Variants in PAG1 observed in about 807,000 individuals in gnomAD.
The protein encoded by PAG1 is phosphoprotein associated with glycosphingolipid-enriched microdomains 1.
PAG1 carries 23 observed loss-of-function variants against 31.7 expected under a neutral mutation model. The observed-to-expected ratio is 0.73, with a 90% CI of 0.52 to 1.03. PAG1 has a LOEUF of 1.03. Ranked by LOEUF, PAG1 falls within the 50% of genes least tolerant of loss-of-function variation. The probability of loss-of-function intolerance (pLI) is 0.00; values close to 1 mark genes in which losing one functional copy is unlikely to be tolerated. For missense variants in PAG1, 473 were observed against 540.7 expected (o/e 0.87, Z 1.24); for synonymous variants, 214 against 210.3 (o/e 1.02, Z -0.15).
At chr8:81,040,199 A>C (rs996936578) in intron 2 of PAG1, among the ~76,000 whole-genome samples, 1 of 152,118 alleles carries the variant, frequency 6.6e-6, no homozygotes, top group Non-Finnish European at 1.5e-5. Flanking sequence ...TCTATTGTTT[A>C]GTACTTATGT....
chr8:81,004,640 A>C (rs1033874699), intron 3 of PAG1, among the ~76,000 whole-genome samples: 3 of 152,234 alleles, frequency 2.0e-5, no homozygotes, highest in Non-Finnish European at 2.9e-5. Context: ...AAGCTTGTGC[A>C]ATCAGAACAA....
At chr8:81,063,261 G>T (rs1171986323) in intron 2 of PAG1, among the ~76,000 whole-genome samples, 1 of 152,168 alleles carries the variant, frequency 6.6e-6, no homozygotes, top group East Asian at 1.9e-4. Context: ...TTGGTACTAA[G>T]CAGTTGAGGG....
At chr8:81,038,741 C>A (rs896307298) in intron 2 of PAG1, among the ~76,000 whole-genome samples, 11 of 152,260 alleles carry the variant, frequency 7.2e-5, no homozygotes, top group Admixed American at 4.6e-4. Context: ...GCAGATACCA[C>A]AACAGAACTC....
intron 3 of PAG1, among the ~76,000 whole-genome samples, chr8:81,027,290 C>T (rs1808298644): frequency 1.3e-5 from 2 of 152,148 alleles, no homozygotes; most frequent in Admixed American, 1.3e-4. Flanking sequence ...GCATGAGCCA[C>T]CACAGCTGGC....
In PAG1 at chr8:80,976,645, C is replaced by T; in HGVS notation, c.1198G>A (p.Ala400Thr). ...TGGTGGCCATTGGTCCCCAGGGTGG[C>T]CTTTTCTTCCTCTCTGTTGAGAGTC... is the stretch of plus-strand genomic sequence containing the variant. ...IQTLNREEEK[A>T]TLGTNGHHGL... The change falls in exon 9 of 9, where the codon GCC becomes ACC. Residue 400 changes from alanine to threonine, a missense_variant. By Grantham distance (58) the Ala-to-Thr change is moderately conservative. Transcript: ENST00000220597. 6.2e-7 allele frequency: 1 copy of T among 1,614,138 alleles called. No individual in the cohort carries two copies. The highest frequency in any genetic ancestry group is 1.7e-4 in the Middle Eastern group (1 of 6,056).
At chr8:81,098,475 A>C (rs1809562088) in intron 1 of PAG1, among the ~76,000 whole-genome samples, 1 of 152,156 alleles carries the variant, frequency 6.6e-6, no homozygotes, top group Non-Finnish European at 1.5e-5. Context: ...CACTCTTTCT[A>C]TAGCAGTCTA....
chr8:80,992,762 C>T (rs776319575), intron 4 of PAG1, among the ~76,000 whole-genome samples: 1 of 152,186 alleles, frequency 6.6e-6, no homozygotes, highest in Admixed American at 6.5e-5. Context: ...CAAAAAGATG[C>T]GCATCACACA....
At chr8:81,085,396 G>A (rs1809334272) in intron 1 of PAG1, among the ~76,000 whole-genome samples, 1 of 152,148 alleles carries the variant, frequency 6.6e-6, no homozygotes, top group African/African-American at 2.4e-5. Flanking sequence ...AAACAGTGAA[G>A]TGACAAGTAG....
intron 3 of PAG1, among the ~76,000 whole-genome samples, chr8:81,005,749 G>C (rs1455146033): frequency 6.6e-6 from 1 of 152,094 alleles, no homozygotes; most frequent in African/African-American, 2.4e-5. Context: ...CAGCACACCT[G>C]CCCCTCCATC....
chr8:81,104,858 T>TA (rs1193882380), intron 1 of PAG1, among the ~76,000 whole-genome samples: 2 of 152,116 alleles, frequency 1.3e-5, no homozygotes, highest in African/African-American at 4.8e-5. Context: ...GTGATCATTC[T>TA]AAAAAAGTAC....
At chr8:81,035,834 G>A (rs1436763067) in intron 2 of PAG1, among the ~76,000 whole-genome samples, 2 of 151,768 alleles carry the variant, frequency 1.3e-5, no homozygotes, top group Admixed American at 1.3e-4. Context: ...GATCACAGAA[G>A]CCTTTTTAAC....
At chr8:81,073,952 A>G (rs1809134277) in intron 1 of PAG1, among the ~76,000 whole-genome samples, 1 of 152,184 alleles carries the variant, frequency 6.6e-6, no homozygotes, top group African/African-American at 2.4e-5. Context: ...TGGCCCCTCC[A>G]TGTGCCCACC....
intron 2 of PAG1, among the ~76,000 whole-genome samples, chr8:81,035,785 C>T (rs1444758838): frequency 6.6e-6 from 1 of 152,022 alleles, no homozygotes; most frequent in East Asian, 1.9e-4. Context: ...TGGAACAGGT[C>T]TCTTATTTCT....
intron 5 of PAG1, among the ~76,000 whole-genome samples, chr8:80,989,539 G>A (rs559308252): frequency 1.3e-5 from 2 of 152,240 alleles, no homozygotes; most frequent in Admixed American, 1.3e-4. Flanking sequence ...GTGTGCTCGC[G>A]CTCTCTCACA....
intron 3 of PAG1, among the ~76,000 whole-genome samples, chr8:81,017,140 C>T (rs1292249588): frequency 6.6e-6 from 1 of 152,174 alleles, no homozygotes; most frequent in East Asian, 1.9e-4. Context: ...TCTAAAGCCA[C>T]TAAGGTTGTT....
intron 2 of PAG1, among the ~76,000 whole-genome samples, chr8:81,053,064 A>G (rs1808758792): frequency 6.6e-6 from 1 of 152,238 alleles, no homozygotes; most frequent in Non-Finnish European, 1.5e-5. Context: ...GTAAATTCAT[A>G]AAAGAGAATG....
chr8:80,979,063 C>CA (rs1235990731), intron 8 of PAG1, among the ~76,000 whole-genome samples: 11 of 151,900 alleles, frequency 7.2e-5, no homozygotes, highest in African/African-American at 1.9e-4. Flanking sequence ...TACATAAATA[C>CA]AAAAAAAACT....
intron 6 of PAG1, among the ~76,000 whole-genome samples, chr8:80,985,740 C>A (rs564789642): frequency 6.6e-6 from 1 of 152,328 alleles, no homozygotes; most frequent in Admixed American, 6.5e-5. Context: ...ACCAGAAAGG[C>A]AGCATGTGCA....
chr8:80,981,092 C>T (rs945479804), intron 7 of PAG1, among the ~76,000 whole-genome samples: 3 of 152,094 alleles, frequency 2.0e-5, no homozygotes, highest in Admixed American at 6.5e-5. Context: ...TTCCCTTCCC[C>T]CACTGATTTT....
Sources: allele counts gnomAD v4.1 joint callset (sites outside exome capture counted in the v4.1 genomes callset), GRCh38; gene constraint gnomAD v4.1.1; transcripts MANE v1.5; gene names NCBI Gene and HGNC (gene_info 2026-07-23, HGNC 2026-07-21).